Variants in ITPRID1 observed in about 807,000 individuals in gnomAD.
ITPRID1 encodes the protein ITPR interacting domain containing 1.
ITPRID1 carries 96 observed loss-of-function variants against 95.4 expected under a neutral mutation model. The observed-to-expected ratio is 1.01, with a 90% CI of 0.85 to 1.19. The LOEUF (loss-of-function observed/expected upper bound fraction) is 1.19, where lower values mean the gene tolerates loss of function less well. ITPRID1 is among the 50% of genes most tolerant of loss of function. The pLI is 0.00. For synonymous variants in ITPRID1, 510 were observed against 453.6 expected (o/e 1.12, Z -1.58); for missense variants, 1,339 against 1,252.9 (o/e 1.07, Z -1.04).
At chr7:31,586,699 C>T (rs1448075312) in intron 10 of ITPRID1, among the ~76,000 whole-genome samples, 5 of 151,872 alleles carry the variant, frequency 3.3e-5, no homozygotes, top group Non-Finnish European at 5.9e-5. Context: ...CTGTTTTTTT[C>T]TTGTAAATTT....
intron 1 of ITPRID1, among the ~76,000 whole-genome samples, chr7:31,534,587 G>C (rs570898928): frequency 7.5e-4 from 114 of 152,102 alleles, no homozygotes; most frequent in South Asian, 1.7e-3. Flanking sequence ...GCTTTCTCAT[G>C]CTTGGTGTTT....
intron 10 of ITPRID1, among the ~76,000 whole-genome samples, chr7:31,599,667 TCTCTCTCTC>T (rs1562599100): frequency 4.8e-5 from 6 of 124,642 alleles, no homozygotes; most frequent in African/African-American, 1.7e-4. Context: ...TTCCTTTCTC[TCTCTCTCTC>T]TCTCTCTCTC....
intron 5 of ITPRID1, among the ~76,000 whole-genome samples, chr7:31,569,045 G>T (rs79693641): frequency 3.9e-5 from 6 of 152,118 alleles, no homozygotes; most frequent in Admixed American, 3.3e-4. Context: ...ACATTGCCTC[G>T]CACTAAGTTA....
At chr7:31,576,240 T>G (rs886757771) in intron 8 of ITPRID1, among the ~76,000 whole-genome samples, 7 of 152,208 alleles carry the variant, frequency 4.6e-5, no homozygotes, top group African/African-American at 1.7e-4. Flanking sequence ...ATAAAGCTAG[T>G]TGGCAGATAG....
intron 10 of ITPRID1, among the ~76,000 whole-genome samples, chr7:31,583,504 T>A (rs867248729): frequency 2.6e-5 from 4 of 152,106 alleles, no homozygotes; most frequent in African/African-American, 9.7e-5. Flanking sequence ...GGTGCGCACC[T>A]GTAATCCCAG....
At position 31,652,057 on chromosome 7, in the gene ITPRID1, G is replaced by C. The variant is rs1209644275; in HGVS notation, c.2823+7G>C. The C allele has an allele frequency of 6.4e-7, 1 of 1,569,800 alleles. No individual in the cohort carries two copies. The highest frequency in any genetic ancestry group is 8.7e-7 in the Non-Finnish European group (1 of 1,151,452). On this transcript the variant is annotated splice_region_variant and intron_variant, in intron 14 of 14. Coordinates refer to ENST00000615280, the MANE Select transcript of ITPRID1 (RefSeq NM_001257967.3). ...CAGAGAAGGGATTTTACTGGTATGGGTGATGGGGTGTGGAGTTTGACTATA... is the reference window on the plus strand; with the variant it reads ...CAGAGAAGGGATTTTACTGGTATGGCTGATGGGGTGTGGAGTTTGACTATA...
At chr7:31,595,083 T>G (rs1383617276) in intron 10 of ITPRID1, among the ~76,000 whole-genome samples, 1 of 148,400 alleles carries the variant, frequency 6.7e-6, no homozygotes, top group Non-Finnish European at 1.5e-5. Flanking sequence ...TTTTTTTTTT[T>G]TTTTTTGAGA....
chr7:31,572,818 C>T (rs901144465), intron 7 of ITPRID1, among the ~76,000 whole-genome samples: 5 of 152,074 alleles, frequency 3.3e-5, no homozygotes, highest in African/African-American at 1.2e-4. Context: ...TACTTATATT[C>T]TTGGTCAAGA....
At chr7:31,590,500 T>C (rs1785818615) in intron 10 of ITPRID1, among the ~76,000 whole-genome samples, 1 of 152,328 alleles carries the variant, frequency 6.6e-6, no homozygotes, top group South Asian at 2.1e-4. Context: ...ATATATCTGA[T>C]ACAAAGTCAA....
chr7:31,561,972 G>A (rs940892064), intron 5 of ITPRID1, among the ~76,000 whole-genome samples: 8 of 146,612 alleles, frequency 5.5e-5, no homozygotes, highest in African/African-American at 2.0e-4. Context: ...CCATGGTCAT[G>A]GATGTTAAGG....
At chr7:31,586,108 C>T (rs369559232) in intron 10 of ITPRID1, among the ~76,000 whole-genome samples, 9,240 of 135,732 alleles carry the variant, frequency 0.068, 340 homozygotes, top group Middle Eastern at 0.11. Flanking sequence ...TTTGTTCTTG[C>T]GATAGTTTAC....
chr7:31,544,724 T>C (rs147491962), intron 1 of ITPRID1, among the ~76,000 whole-genome samples: 4 of 152,304 alleles, frequency 2.6e-5, no homozygotes, highest in African/African-American at 7.2e-5. Flanking sequence ...TAGACACTCA[T>C]ATATTTAATT....
chr7:31,649,625 A>G (rs1790778284), intron 12 of ITPRID1, among the ~76,000 whole-genome samples: 1 of 152,196 alleles, frequency 6.6e-6, no homozygotes, highest in African/African-American at 2.4e-5. Flanking sequence ...AAGGGGTCCA[A>G]GCCTGTGGGT....
chr7:31,579,458 G>T (rs897479574), intron 9 of ITPRID1, among the ~76,000 whole-genome samples: 1 of 152,190 alleles, frequency 6.6e-6, no homozygotes, highest in Non-Finnish European at 1.5e-5. Context: ...CTTGAAAAGG[G>T]AACTACAGAG....
At chr7:31,603,830 A>G (rs967147389) in intron 10 of ITPRID1, among the ~76,000 whole-genome samples, 5 of 151,862 alleles carry the variant, frequency 3.3e-5, no homozygotes, top group Non-Finnish European at 7.4e-5. Context: ...CTTTTTTCAG[A>G]CTTCACTTCC....
intron 10 of ITPRID1, among the ~76,000 whole-genome samples, chr7:31,640,353 T>C (rs1470380564): frequency 6.6e-6 from 1 of 152,212 alleles, no homozygotes; most frequent in East Asian, 1.9e-4. Flanking sequence ...AGCTCATCAG[T>C]ACTCAGCTGA....
intron 11 of ITPRID1, among the ~76,000 whole-genome samples, 171 bp downstream of exon 11, chr7:31,642,429 G>A (rs557338045): frequency 6.6e-6 from 1 of 152,322 alleles, no homozygotes; most frequent in Middle Eastern, 3.4e-3. Flanking sequence ...CACCCAAGGG[G>A]CAGAGGATGA....
chr7:31,572,516 C>G (rs989884701), intron 7 of ITPRID1, among the ~76,000 whole-genome samples: 4 of 151,828 alleles, frequency 2.6e-5, no homozygotes, highest in African/African-American at 7.3e-5. Flanking sequence ...TTAAAAAAAG[C>G]AAGATGCAGG....
At chr7:31,629,026 T>A (rs903960459) in intron 10 of ITPRID1, among the ~76,000 whole-genome samples, 1 of 152,076 alleles carries the variant, frequency 6.6e-6, no homozygotes, top group East Asian at 1.9e-4. Context: ...CCAAAAAAAT[T>A]GGCGTTACAA....
Sources: gnomAD v4.1 joint callset for allele counts (sites outside exome capture counted in the v4.1 genomes callset) on GRCh38, gnomAD v4.1.1 for gene constraint, MANE v1.5 for transcripts, NCBI Gene and HGNC (gene_info 2026-07-23, HGNC 2026-07-21) for gene names.